Variants in MAD1L1 observed in about 807,000 individuals in gnomAD.
MAD1L1 encodes mitotic arrest deficient 1 like 1.
A neutral mutation model predicts 96.9 loss-of-function variants in MAD1L1; 95 were observed. The ratio of observed to expected loss-of-function variants is 0.98; its 90% CI spans 0.83 to 1.16. MAD1L1 has a LOEUF of 1.16. Ranked by LOEUF, MAD1L1 falls within the 50% of genes most tolerant of loss-of-function variation. MAD1L1 has a pLI of 0.00. For missense variants in MAD1L1, 1,007 were observed against 954.4 expected (o/e 1.06, Z -0.73); for synonymous variants, 473 against 396.6 (o/e 1.19, Z -2.29).
At chr7:2,131,552 G>C (rs1289494919) in intron 11 of MAD1L1, among the ~76,000 whole-genome samples, 1 of 152,194 alleles carries the variant, frequency 6.6e-6, no homozygotes, top group African/African-American at 2.4e-5. Flanking sequence ...TCAGTCCCAG[G>C]GGACCTCTGC....
intron 18 of MAD1L1, among the ~76,000 whole-genome samples, chr7:1,877,883 A>G (rs1785465310): frequency 6.6e-6 from 1 of 152,210 alleles, no homozygotes; most frequent in Non-Finnish European, 1.5e-5. Flanking sequence ...GATTAAAAAT[A>G]TAGGAAGCAA....
At chr7:2,000,550 C>T (rs1263955416) in intron 14 of MAD1L1, among the ~76,000 whole-genome samples, 1 of 152,228 alleles carries the variant, frequency 6.6e-6, no homozygotes, top group African/African-American at 2.4e-5. Flanking sequence ...CCACCACCAA[C>T]AGTCGGGTCC....
At chr7:1,994,212 C>A (rs1326733795) in intron 14 of MAD1L1, among the ~76,000 whole-genome samples, 1 of 152,176 alleles carries the variant, frequency 6.6e-6, no homozygotes, top group Non-Finnish European at 1.5e-5. Flanking sequence ...TGGCTTTGCA[C>A]GTGCCACCGC....
At chr7:2,082,018 C>A (rs1180804037) in intron 11 of MAD1L1, among the ~76,000 whole-genome samples, 1 of 152,204 alleles carries the variant, frequency 6.6e-6, no homozygotes, top group Non-Finnish European at 1.5e-5. Context: ...AAGATAGAGA[C>A]TCTGAAGTCT....
chr7:1,932,035 C>T (rs1040294236), intron 17 of MAD1L1, among the ~76,000 whole-genome samples: 1 of 152,222 alleles, frequency 6.6e-6, no homozygotes, highest in African/African-American at 2.4e-5. Flanking sequence ...CCATGGCAGC[C>T]CACGCCTGGC....
At chr7:2,054,486 G>A (rs1192659753) in intron 12 of MAD1L1, among the ~76,000 whole-genome samples, 1 of 152,186 alleles carries the variant, frequency 6.6e-6, no homozygotes, top group Non-Finnish European at 1.5e-5. Flanking sequence ...CCCTCTCGGA[G>A]GGAGAGTGCA....
intron 10 of MAD1L1, among the ~76,000 whole-genome samples, chr7:2,205,336 G>A (rs1792544410): frequency 1.3e-5 from 2 of 152,100 alleles, no homozygotes; most frequent in African/African-American, 2.4e-5. Context: ...ACCAGACGTT[G>A]TCAGATTCGG....
At chr7:1,971,999 C>T (rs1780425659) in intron 15 of MAD1L1, among the ~76,000 whole-genome samples, 1 of 152,166 alleles carries the variant, frequency 6.6e-6, no homozygotes, top group African/African-American at 2.4e-5. Context: ...TCCTCTTTAC[C>T]CAATCTCCCT....
intron 10 of MAD1L1, among the ~76,000 whole-genome samples, chr7:2,158,566 G>T (rs907675473): frequency 1.3e-5 from 2 of 152,212 alleles, no homozygotes; most frequent in African/African-American, 4.8e-5. Context: ...TTTGCGAAAA[G>T]TATGCAGAAA....
intron 10 of MAD1L1, among the ~76,000 whole-genome samples, chr7:2,168,944 G>A (rs940636035): frequency 3.3e-5 from 5 of 152,258 alleles, no homozygotes; most frequent in African/African-American, 9.6e-5. Flanking sequence ...GGAGGAACAC[G>A]CGCTCGGACT....
intron 4 of MAD1L1, among the ~76,000 whole-genome samples, chr7:2,225,154 C>T (rs981955227): frequency 6.6e-6 from 1 of 152,234 alleles, no homozygotes; most frequent in Non-Finnish European, 1.5e-5. Flanking sequence ...GAAGGAATGT[C>T]CTGGCAACCA....
intron 11 of MAD1L1, among the ~76,000 whole-genome samples, chr7:2,083,504 C>T (rs998823410): frequency 1.3e-5 from 2 of 152,230 alleles, no homozygotes; most frequent in Non-Finnish European, 2.9e-5. Context: ...TCTCGAGGCA[C>T]GGCGCTCAGC....
chr7:1,920,590 G>A (rs1011709903), intron 17 of MAD1L1, among the ~76,000 whole-genome samples: 19 of 152,204 alleles, frequency 1.2e-4, no homozygotes, highest in African/African-American at 4.3e-4. Context: ...CTGGTCAGTG[G>A]GTACAGACGC....
At position 1,936,966 on chromosome 7, in the gene MAD1L1, TG is replaced by T. The variant is rs561243591; in HGVS notation, c.1597-70del. On this transcript the variant is annotated intron_variant, in intron 16 of 18. Coordinates refer to ENST00000265854, the MANE Select transcript of MAD1L1 (RefSeq NM_001013836.2). ...CACGCAGCACGGGTCACACACAGCA[TG>T]GGTCACCATGGCCCAGGAAGACACA... 11 of 1,248,552 alleles carry T rather than the reference TG, an allele frequency of 8.8e-6. No individual in the cohort carries two copies. In the East Asian group the frequency reaches 2.0e-4, roughly 23 times the overall value. 77.3% of individuals were successfully genotyped at this position (1,248,552 alleles called of 1,614,324 possible). A position where few individuals can be genotyped will look rare whatever the true frequency, so the allele number is the denominator to read the frequency against.
At position 1,842,631 on chromosome 7, in the gene MAD1L1, G is replaced by A. The variant is rs538037808; in HGVS notation, c.1999-26403C>T. ...GACAGCTATGCTTCTTCAGGTCCCC[G>A]AGGGAGGCCTTCGTCCTTCGTCCAT... On this transcript the variant is annotated intron_variant, in intron 18 of 18. Transcript: ENST00000265854. Among the ~76,000 whole-genome samples the A allele has an allele frequency of 4.6e-5, 7 of 152,374 alleles. No homozygotes were observed. In the South Asian group the frequency reaches 6.2e-4, roughly 14 times the overall value.
intron 11 of MAD1L1, among the ~76,000 whole-genome samples, chr7:2,134,733 G>T (rs1182238641): frequency 6.6e-6 from 1 of 152,204 alleles, no homozygotes; most frequent in African/African-American, 2.4e-5. Flanking sequence ...CCTCTCTTAA[G>T]GACTAGTCTT....
At chr7:1,958,271 A>C (rs1002528093) in intron 15 of MAD1L1, among the ~76,000 whole-genome samples, 3 of 152,244 alleles carry the variant, frequency 2.0e-5, no homozygotes, top group African/African-American at 7.2e-5. Context: ...CCACAGTGGG[A>C]ATAGAATACA....
At chr7:2,018,176 A>G (rs1236012895) in intron 12 of MAD1L1, among the ~76,000 whole-genome samples, 1 of 152,106 alleles carries the variant, frequency 6.6e-6, no homozygotes, top group Admixed American at 6.5e-5. Context: ...CACACACCCA[A>G]CGAAGCCCAC....
At chr7:2,199,930 G>T (rs1303305082) in intron 10 of MAD1L1, among the ~76,000 whole-genome samples, 1 of 152,276 alleles carries the variant, frequency 6.6e-6, no homozygotes, top group Non-Finnish European at 1.5e-5. Context: ...CTGGATGAAA[G>T]GGATGGGAGA....
Sources: gnomAD v4.1 joint callset for allele counts (sites outside exome capture counted in the v4.1 genomes callset) on GRCh38, gnomAD v4.1.1 for gene constraint, MANE v1.5 for transcripts, NCBI Gene and HGNC (gene_info 2026-07-23, HGNC 2026-07-21) for gene names.